Variants in RGS17 observed in about 807,000 individuals in gnomAD.
RGS17 encodes regulator of G protein signaling 17, also known as regulator of G-protein signaling 17.
In RGS17, 12 loss-of-function variants were observed where a neutral mutation model predicts 25.5. That is an observed-to-expected ratio of 0.47 (90% CI 0.30 to 0.76). The LOEUF (loss-of-function observed/expected upper bound fraction) is 0.76, where lower values mean the gene tolerates loss of function less well. RGS17 is among the 30% of genes least tolerant of loss of function. The pLI is 0.07. For synonymous variants in RGS17, 71 were observed against 76.9 expected (o/e 0.92, Z 0.40); for missense variants, 196 against 242.2 (o/e 0.81, Z 1.27).
chr6:153,087,650 T>C (rs1221711804), intron 1 of RGS17, among the ~76,000 whole-genome samples: 1 of 152,228 alleles, frequency 6.6e-6, no homozygotes, highest in East Asian at 1.9e-4. Flanking sequence ...GAAATGTTTA[T>C]AAGCAGTTAT....
At chr6:153,080,327 A>G (rs1776955511) in intron 1 of RGS17, among the ~76,000 whole-genome samples, 1 of 152,182 alleles carries the variant, frequency 6.6e-6, no homozygotes, top group South Asian at 2.1e-4. Flanking sequence ...TAAGCTGTTC[A>G]TCATTGGCAT....
At chr6:153,083,147 T>C (rs1053305027) in intron 1 of RGS17, among the ~76,000 whole-genome samples, 11 of 152,194 alleles carry the variant, frequency 7.2e-5, no homozygotes, top group African/African-American at 2.4e-4. Context: ...AAGTTCTTTA[T>C]CTGAAAAGTT....
chr6:153,009,625 C>T lies in RGS17; in HGVS notation c.*1949G>A, dbSNP rs1391306887. The T allele has an allele frequency of 6.6e-6, 1 of 151,706 alleles. No homozygotes were observed. Among genetic ancestry groups the T allele is most frequent in the Non-Finnish European group, 1.5e-5 (1 of 67,808 alleles). The allele number at this position is 151,706 out of a possible 1,614,324, so 9.4% of individuals were successfully genotyped here. A position where few individuals can be genotyped will look rare whatever the true frequency, so the allele number is the denominator to read the frequency against. ...TTAACACACTAACACTTTCAGAAAA[C>T]ACAGGCATTTGTTAAAAGAAATGAT... On this transcript the variant is annotated 3_prime_UTR_variant, in exon 5 of 5. Transcript: ENST00000206262.
chr6:153,031,461 C>T (rs1312640251), intron 2 of RGS17, among the ~76,000 whole-genome samples: 1 of 152,186 alleles, frequency 6.6e-6, no homozygotes, highest in Non-Finnish European at 1.5e-5. Context: ...CATCCATTAC[C>T]TTGTCACTTC....
chr6:153,062,946 C>A (rs1584140148), intron 1 of RGS17, among the ~76,000 whole-genome samples: 1 of 152,146 alleles, frequency 6.6e-6, no homozygotes, highest in Admixed American at 6.5e-5. Flanking sequence ...GGATTCATCA[C>A]CTGCTAACTA....
chr6:153,086,227 A>ATT (rs1777050984), intron 1 of RGS17, among the ~76,000 whole-genome samples: 1 of 152,212 alleles, frequency 6.6e-6, no homozygotes, highest in Non-Finnish European at 1.5e-5. Flanking sequence ...CATACTCAAT[A>ATT]TGAATTGATT....
chr6:153,052,425 C>T (rs1473930897), intron 1 of RGS17, among the ~76,000 whole-genome samples: 3 of 152,100 alleles, frequency 2.0e-5, no homozygotes, highest in Admixed American at 6.5e-5. Context: ...ATCTATTCTA[C>T]ATCTGTCCCA....
chr6:153,070,795 A>G (rs1441445922), intron 1 of RGS17, among the ~76,000 whole-genome samples: 3 of 151,138 alleles, frequency 2.0e-5, no homozygotes, highest in Non-Finnish European at 4.4e-5. Flanking sequence ...ATATACACAT[A>G]CATATACATA....
At chr6:153,103,274 T>C (rs948562324) in intron 1 of RGS17, among the ~76,000 whole-genome samples, 2 of 152,260 alleles carry the variant, frequency 1.3e-5, no homozygotes, top group Non-Finnish European at 2.9e-5. Flanking sequence ...TTCATATCTT[T>C]ATGATGACAT....
Position 153,053,747 on chromosome 6 carries a change from C to T in RGS17, c.-25-9704G>A, listed in dbSNP as rs191025546. Among the ~76,000 whole-genome samples the T allele has an allele frequency of 4.0e-3, 597 of 150,258 alleles. 3 individuals carry two copies. The highest frequency in any genetic ancestry group is 5.8e-3 in the Non-Finnish European group (394 of 67,758). On this transcript the variant is annotated intron_variant, in intron 1 of 4. Transcript: ENST00000206262. ...GTTCGAGGCTGCAGTGACCTAGGAT[C>T]GCACCATGTACTCTAGCCTGGGTGA...
intron 1 of RGS17, among the ~76,000 whole-genome samples, chr6:153,082,626 T>C (rs1197496823): frequency 1.3e-5 from 2 of 152,214 alleles, no homozygotes; most frequent in Non-Finnish European, 2.9e-5. Flanking sequence ...TGCTATGCTA[T>C]TTATATACTA....
chr6:153,033,843 T>C (rs1776189714), intron 2 of RGS17, among the ~76,000 whole-genome samples: 1 of 152,234 alleles, frequency 6.6e-6, no homozygotes, highest in African/African-American at 2.4e-5. Flanking sequence ...TTCAACCCAC[T>C]GTAATTTTAC....
intron 4 of RGS17, 38 bp from the exon 5 acceptor site, chr6:153,011,800 T>G: frequency 8.1e-7 from 1 of 1,240,124 alleles, no homozygotes; most frequent in African/African-American, 1.5e-5. Context: ...AAATAATATT[T>G]TTTTCAAAAG....
chr6:153,056,838 C>CTGTG (rs59058708), intron 1 of RGS17, among the ~76,000 whole-genome samples: 2,038 of 144,456 alleles, frequency 0.014, 31 homozygotes, highest in African/African-American at 0.028. Flanking sequence ...AGAGGAAGGG[C>CTGTG]TGTGTGTGTG....
In RGS17 at chr6:153,014,752, C is replaced by T. The variant is rs149636467; in HGVS notation, c.445-2990G>A. On this transcript the variant is annotated intron_variant, in intron 4 of 4. Transcript: ENST00000206262. Reference sequence around the variant, plus strand: ...GGCAGAGCTTGCAGTGAGTCTTGATCGCGTTGCTGCACTCCAGACTGGGCT... The same window carrying T: ...GGCAGAGCTTGCAGTGAGTCTTGATTGCGTTGCTGCACTCCAGACTGGGCT... 2.2e-3 allele frequency among the ~76,000 whole-genome samples: 327 copies of T among 150,458 alleles called. 1 individual carries two copies. The highest frequency in any genetic ancestry group is 7.3e-3 in the African/African-American group (300 of 40,820).
At chr6:153,127,711 G>A (rs992320074) in intron 1 of RGS17, among the ~76,000 whole-genome samples, 3 of 152,142 alleles carry the variant, frequency 2.0e-5, no homozygotes, top group African/African-American at 4.8e-5. Context: ...TAATATAAAT[G>A]TTGTATTAAA....
At chr6:153,052,090 G>A (rs2129112088) in intron 1 of RGS17, among the ~76,000 whole-genome samples, 1 of 152,278 alleles carries the variant, frequency 6.6e-6, no homozygotes, top group African/African-American at 2.4e-5. Flanking sequence ...GGTGGAGGAA[G>A]AATTGCCTGA....
At chr6:153,109,262 C>T (rs535777064) in intron 1 of RGS17, among the ~76,000 whole-genome samples, 12 of 152,070 alleles carry the variant, frequency 7.9e-5, no homozygotes, top group African/African-American at 9.7e-5. Flanking sequence ...ACATAAGAGA[C>T]GAGTGTATAT....
rs1394092292 is a variant in RGS17 at position 153,006,100 on chromosome 6, C to T, written c.*5474G>A. 1 of 152,180 alleles carries T rather than the reference C, an allele frequency of 6.6e-6. No homozygotes were observed. Among genetic ancestry groups the T allele is most frequent in the African/African-American group, 2.4e-5 (1 of 41,452 alleles). The allele number at this position is 152,180 out of a possible 1,614,324, so 9.4% of individuals were successfully genotyped here. On this transcript the variant is annotated 3_prime_UTR_variant, in exon 5 of 5. Coordinates refer to ENST00000206262, the MANE Select transcript of RGS17 (RefSeq NM_012419.5). ...TCCTGGGCTCAAGTGATCCTCACGCCTTAGTCTCCCAAAGTGCTGGGATTG... is the reference window on the plus strand; with the variant it reads ...TCCTGGGCTCAAGTGATCCTCACGCTTTAGTCTCCCAAAGTGCTGGGATTG...
Sources: gnomAD v4.1 joint callset for allele counts (sites outside exome capture counted in the v4.1 genomes callset) on GRCh38, gnomAD v4.1.1 for gene constraint, MANE v1.5 for transcripts, NCBI Gene and HGNC (gene_info 2026-07-23, HGNC 2026-07-21) for gene names.